The following HS3ST3A1 variants were observed in gnomAD, a reference collection of about 807,000 sequenced individuals.
The protein encoded by HS3ST3A1 is heparan sulfate-glucosamine 3-sulfotransferase 3A1, also known as heparan sulfate glucosamine 3-O-sulfotransferase 3A1.
In HS3ST3A1, 19 loss-of-function variants were observed where a neutral mutation model predicts 25.7. That is an observed-to-expected ratio of 0.74 (90% CI 0.52 to 1.08). The LOEUF is 1.08. Among genes scored for constraint, HS3ST3A1 ranks in the 50% least tolerant of loss-of-function variants. The pLI is 0.00. For synonymous variants in HS3ST3A1, 226 were observed against 278.6 expected, an observed-to-expected ratio of 0.81 and a Z score of 1.88; for missense variants, 459 against 594.3, an observed-to-expected ratio of 0.77 and a Z score of 2.37.
At chr17:13,562,846 G>A (rs1567624594) in intron 1 of HS3ST3A1, among the ~76,000 whole-genome samples, 1 of 152,006 alleles carries the variant, frequency 6.6e-6, no homozygotes, top group Non-Finnish European at 1.5e-5. Flanking sequence ...ACTATGACAG[G>A]ACAGTATTTG....
intron 1 of HS3ST3A1, among the ~76,000 whole-genome samples, chr17:13,567,983 CA>C (rs1907716305): frequency 6.6e-6 from 1 of 152,190 alleles, no homozygotes; most frequent in Non-Finnish European, 1.5e-5. Context: ...AAAATGCTAT[CA>C]AACAGCAGCA....
chr17:13,521,067 C>T (rs1906220071), intron 1 of HS3ST3A1, among the ~76,000 whole-genome samples: 1 of 152,192 alleles, frequency 6.6e-6, no homozygotes, highest in African/African-American at 2.4e-5. Context: ...CACTGACACC[C>T]TTTTTTCTAC....
chr17:13,592,993 T>C (rs1286575200), intron 1 of HS3ST3A1, among the ~76,000 whole-genome samples: 1 of 152,202 alleles, frequency 6.6e-6, no homozygotes, highest in African/African-American at 2.4e-5. Flanking sequence ...TTCCTGCCTC[T>C]TCCTTGAATG....
chr17:13,567,318 C>T (rs1236225036), intron 1 of HS3ST3A1, among the ~76,000 whole-genome samples: 2 of 152,214 alleles, frequency 1.3e-5, no homozygotes, highest in Non-Finnish European at 2.9e-5. Context: ...TATTACTACT[C>T]ATTGATAATG....
intron 1 of HS3ST3A1, among the ~76,000 whole-genome samples, chr17:13,546,997 A>C (rs1907107476): frequency 6.6e-6 from 1 of 152,180 alleles, no homozygotes; most frequent in Non-Finnish European, 1.5e-5. Flanking sequence ...TAACCATGGA[A>C]TTTCATGTTT....
chr17:13,514,416 A>T (rs1448374971), intron 1 of HS3ST3A1, among the ~76,000 whole-genome samples: 2 of 152,224 alleles, frequency 1.3e-5, no homozygotes, highest in Admixed American at 1.3e-4. Context: ...AATCATGGTT[A>T]AAGTCAAATT....
In HS3ST3A1 at chr17:13,601,092, G is replaced by C; in HGVS notation, c.38C>G (p.Ser13Trp). 6.3e-7 allele frequency: 1 copy of C among 1,591,202 alleles called. No individual in the cohort carries two copies. Among genetic ancestry groups the C allele is most frequent in the South Asian group, 1.1e-5 (1 of 87,600 alleles). Residue 13 changes from serine (S) to tryptophan (W), a missense_variant, in exon 1 of 2, where the codon TCG becomes TGG. Around this residue, in one of 3 missense-constraint regions of HS3ST3A1, gnomAD observed 346 missense variants for 303.9 expected, o/e 1.14. Coordinates refer to ENST00000284110, the MANE Select transcript of HS3ST3A1 (RefSeq NM_006042.3). Reference sequence around the variant, plus strand: ...GATGCTGCGGGACAGCGGCTCGGCCGAGGTGGAGAGGGCACTGGCCGGGCC... The same window carrying C: ...GATGCTGCGGGACAGCGGCTCGGCCCAGGTGGAGAGGGCACTGGCCGGGCC... ...PPGPASALST[S>W]AEPLSRSIFR...
chr17:13,519,858 C>A (rs1254324140), intron 1 of HS3ST3A1, among the ~76,000 whole-genome samples: 1 of 152,128 alleles, frequency 6.6e-6, no homozygotes, highest in Non-Finnish European at 1.5e-5. Flanking sequence ...ATAGTTTTAA[C>A]AAATGGCAAG....
At position 13,494,868 on chromosome 17, in the gene HS3ST3A1, C is replaced by A. The variant is rs1423596756; in HGVS notation, c.*1329G>T. On this transcript the variant is annotated 3_prime_UTR_variant, in exon 2 of 2. Transcript: ENST00000284110. The stretch of plus-strand genomic sequence containing the variant: ...AAAGCCACCATTTTACCCACAAATG[C>A]ATTTCCTAGAATATTTTTCCAAATA... Among the ~76,000 whole-genome samples, 1 of 152,102 alleles carries A rather than the reference C, an allele frequency of 6.6e-6. No homozygotes were observed. Among genetic ancestry groups the A allele is most frequent in the East Asian group, 1.9e-4 (1 of 5,198 alleles).
intron 1 of HS3ST3A1, among the ~76,000 whole-genome samples, chr17:13,589,296 T>G (rs1320777015): frequency 6.6e-6 from 1 of 152,192 alleles, no homozygotes; most frequent in East Asian, 1.9e-4. Context: ...GAGCAGTTTC[T>G]CCAAGGCCTG....
intron 1 of HS3ST3A1, among the ~76,000 whole-genome samples, chr17:13,522,534 T>A (rs1190339479): frequency 1.3e-5 from 2 of 152,208 alleles, no homozygotes; most frequent in Admixed American, 6.5e-5. Context: ...GGAGTCTATA[T>A]GCTGAAGGAA....
chr17:13,572,080 A>C (rs1907831563), intron 1 of HS3ST3A1, among the ~76,000 whole-genome samples: 1 of 152,186 alleles, frequency 6.6e-6, no homozygotes, highest in Non-Finnish European at 1.5e-5. Flanking sequence ...TAAAAAACAC[A>C]GAGACTCCAC....
intron 1 of HS3ST3A1, among the ~76,000 whole-genome samples, chr17:13,509,186 G>A (rs1409876535): frequency 6.6e-6 from 1 of 152,060 alleles, no homozygotes; most frequent in Non-Finnish European, 1.5e-5. Flanking sequence ...AGTAATAAGT[G>A]CCCAAAGTGG....
intron 1 of HS3ST3A1, among the ~76,000 whole-genome samples, chr17:13,533,678 G>A (rs1906683096): frequency 6.6e-6 from 1 of 151,900 alleles, no homozygotes; most frequent in Non-Finnish European, 1.5e-5. Context: ...TTTAGATAGG[G>A]TCTATAATTT....
intron 1 of HS3ST3A1, among the ~76,000 whole-genome samples, chr17:13,589,470 C>A (rs1257120400): frequency 6.6e-6 from 1 of 152,178 alleles, no homozygotes; most frequent in Non-Finnish European, 1.5e-5. Context: ...TTCTAGTAGA[C>A]CCTCTGGCTT....
Position 13,600,822 on chromosome 17 carries a change from G to A in HS3ST3A1, c.308C>T (p.Ala103Val). 7.1e-7 allele frequency: 1 copy of A among 1,412,762 alleles called. No individual in the cohort carries two copies. The highest frequency in any genetic ancestry group is 9.1e-7 in the Non-Finnish European group (1 of 1,096,350). The allele number at this position is 1,412,762 out of a possible 1,614,324, so 87.5% of individuals were successfully genotyped here. A position where few individuals can be genotyped will look rare whatever the true frequency, so the allele number is the denominator to read the frequency against. The change falls in exon 1 of 2, where the codon GCG (alanine) becomes GTG (valine). Residue 103 changes from alanine (A) to valine (V), a missense_variant. Physicochemically the swap from Ala to Val is moderately conservative, Grantham distance 64. Coordinates refer to ENST00000284110, the MANE Select transcript of HS3ST3A1 (RefSeq NM_006042.3). ...LPQWRRRRPPAPRDDGEEAAW... is the reference protein window; with the variant it reads ...LPQWRRRRPPVPRDDGEEAAW... Reference sequence around the variant, plus strand: ...CGCCTCCTCGCCGTCGTCGCGGGGCGCGGGCGGCCGGCGCCTCCGCCACTG... The same window carrying A: ...CGCCTCCTCGCCGTCGTCGCGGGGCACGGGCGGCCGGCGCCTCCGCCACTG...
chr17:13,571,305 T>C (rs1019380484), intron 1 of HS3ST3A1, among the ~76,000 whole-genome samples: 1 of 152,268 alleles, frequency 6.6e-6, no homozygotes, highest in Non-Finnish European at 1.5e-5. Context: ...TGCTGGGGAC[T>C]GCTTTGATGG....
chr17:13,551,997 T>C (rs1164692742), intron 1 of HS3ST3A1, among the ~76,000 whole-genome samples: 6 of 152,236 alleles, frequency 3.9e-5, no homozygotes, highest in African/African-American at 1.4e-4. Flanking sequence ...AGGACACTGA[T>C]GGGCACTTAC....
intron 1 of HS3ST3A1, among the ~76,000 whole-genome samples, chr17:13,554,296 G>T (rs1907317364): frequency 6.6e-6 from 1 of 152,200 alleles, no homozygotes; most frequent in Non-Finnish European, 1.5e-5. Context: ...CAGAAAAGTA[G>T]CAGGAAAATT....
Sources: gnomAD v4.1 joint callset for allele counts (sites outside exome capture counted in the v4.1 genomes callset) on GRCh38, gnomAD v4.1.1 for gene constraint, gnomAD v4.1.1 regional missense constraint, MANE v1.5 for transcripts, NCBI Gene and HGNC (gene_info 2026-07-23, HGNC 2026-07-21) for gene names.